MCM10: variants seen among roughly 807,000 people sequenced by gnomAD.
MCM10 encodes protein MCM10 homolog.
Under a neutral mutation model 109.9 loss-of-function variants are expected in MCM10, and 91 were observed. The observed-to-expected ratio is 0.83, with a 90% CI of 0.70 to 0.99. The LOEUF (loss-of-function observed/expected upper bound fraction) is 0.99, where lower values mean the gene tolerates loss of function less well. Ranked by LOEUF, MCM10 falls within the 50% of genes least tolerant of loss-of-function variation. The pLI, the probability that MCM10 is intolerant of heterozygous loss-of-function variation, is 0.00. For missense variants in MCM10, 1,077 were observed against 1,061.2 expected, an observed-to-expected ratio of 1.01 and a Z score of -0.21; for synonymous variants, 380 against 387.2, an observed-to-expected ratio of 0.98 and a Z score of 0.22.
chr10:13,207,206 C>T (rs1255026051), intron 18 of MCM10, among the ~76,000 whole-genome samples: 3 of 152,192 alleles, frequency 2.0e-5, no homozygotes, highest in African/African-American at 7.2e-5. Context: ...AACCACACGG[C>T]TCTGCTGGTG....
intron 2 of MCM10, among the ~76,000 whole-genome samples, chr10:13,170,575 C>G (rs749803443): frequency 6.6e-6 from 1 of 152,154 alleles, no homozygotes; most frequent in Non-Finnish European, 1.5e-5. Flanking sequence ...AGTATTGGCT[C>G]CTTCTTAGCC....
intron 9 of MCM10, among the ~76,000 whole-genome samples, chr10:13,188,173 A>G (rs1834299454): frequency 6.6e-6 from 1 of 152,044 alleles, no homozygotes; most frequent in Non-Finnish European, 1.5e-5. Flanking sequence ...CGCCGTAACT[A>G]CTGTTCACCC....
At chr10:13,165,238 A>G (rs148775767) in intron 2 of MCM10, among the ~76,000 whole-genome samples, 2 of 152,330 alleles carry the variant, frequency 1.3e-5, no homozygotes, top group African/African-American at 4.8e-5. Flanking sequence ...ATGACAATAT[A>G]CTGTAATAAA....
intron 10 of MCM10, among the ~76,000 whole-genome samples, chr10:13,189,958 C>T (rs1426145686): frequency 6.6e-6 from 1 of 151,888 alleles, no homozygotes; most frequent in Non-Finnish European, 1.5e-5. Context: ...TTAATGATAG[C>T]CTATAAGCTT....
At chr10:13,199,892 C>T (rs1245263511) in intron 16 of MCM10, among the ~76,000 whole-genome samples, 2 of 152,110 alleles carry the variant, frequency 1.3e-5, no homozygotes, top group Non-Finnish European at 2.9e-5. Flanking sequence ...CCGTATGTTC[C>T]CCAAGCTGGT....
chr10:13,198,570 G>T, intron 15 of MCM10, 119 bp from the exon 16 acceptor site: 1 of 696,156 alleles, frequency 1.4e-6, no homozygotes, highest in East Asian at 2.5e-5. Context: ...GCGGGGGTAG[G>T]TCAAGTTTGA....
chr10:13,161,883 CT>C lies in MCM10; in HGVS notation c.-76+280del, dbSNP rs1564377374. Among the ~76,000 whole-genome samples the C allele has an allele frequency of 6.9e-5, 8 of 116,282 alleles. No individual in the cohort carries two copies. The South Asian group carries it at 2.4e-3, about 36-fold the overall frequency. 76.3% of individuals were successfully genotyped at this position (116,282 alleles called of 152,430 possible). On this transcript the variant is annotated intron_variant, in intron 1 of 19. Transcript: ENST00000378714. Reference sequence around the variant, plus strand: ...GCTTGCCAAGTGCCTGCCGCCTGGGCTTTCTTTTATTCATTCATTCATTCAT... The same window carrying C: ...GCTTGCCAAGTGCCTGCCGCCTGGGCTTCTTTTATTCATTCATTCATTCAT...
intron 2 of MCM10, among the ~76,000 whole-genome samples, chr10:13,165,159 G>A (rs1029708691): frequency 2.6e-5 from 4 of 152,236 alleles, no homozygotes; most frequent in Admixed American, 6.5e-5. Context: ...ACATACATAC[G>A]TGTGATAAAG....
Position 13,204,350 on chromosome 10 carries a change from G to A in MCM10, c.2484G>A (p.Pro828=), listed in dbSNP as rs372798272. 132 of 1,614,128 alleles carry A rather than the reference G, an allele frequency of 8.2e-5. 1 individual carries two copies. Among genetic ancestry groups the A allele is most frequent in the African/African-American group, 5.3e-4 (40 of 75,042 alleles). The stretch of plus-strand genomic sequence containing the variant: ...GAAGCATCTCCTTGGACAGACTCCC[G>A]AACAAGCACTGCAGGTATGAGAATC... ...GNRSISLDRL[P]NKHCSNCGLY... The change falls in exon 18 of 20, where the codon CCG becomes CCA. Residue 828 remains proline (P), a synonymous_variant. Coordinates refer to ENST00000378714, the MANE Select transcript of MCM10 (RefSeq NM_018518.5).
chr10:13,195,406 C>T (rs1038718610), intron 14 of MCM10, 137 bp downstream of exon 14: 4 of 662,576 alleles, frequency 6.0e-6, no homozygotes, highest in African/African-American at 5.5e-5. Context: ...GTAGTGTCAA[C>T]ATAATACTAA....
intron 10 of MCM10, among the ~76,000 whole-genome samples, chr10:13,190,409 C>T (rs566747956): frequency 6.6e-6 from 1 of 152,300 alleles, no homozygotes; most frequent in Admixed American, 6.5e-5. Context: ...CTAGGCCAGG[C>T]ACAGTGGCTT....
At chr10:13,204,695 T>C (rs923826306) in intron 18 of MCM10, among the ~76,000 whole-genome samples, 13 of 152,234 alleles carry the variant, frequency 8.5e-5, no homozygotes, top group African/African-American at 9.6e-5. Flanking sequence ...TTTTTTCCTC[T>C]CTCCAAAGAG....
At chr10:13,191,563 TAAGC>T (rs35273956) in intron 11 of MCM10, among the ~76,000 whole-genome samples, 164 bp downstream of exon 11, 39,515 of 151,226 alleles carry the variant, frequency 0.26, 5,491 homozygotes, top group East Asian at 0.37. Flanking sequence ...AATAAATAAA[TAAGC>T]AAGCAAGCAA....
chr10:13,192,253 A>G lies in MCM10; in HGVS notation c.1517-2A>G. The G allele has an allele frequency of 1.2e-6, 2 of 1,607,200 alleles. No individual in the cohort carries two copies. The highest frequency in any genetic ancestry group is 1.7e-6 in the Non-Finnish European group (2 of 1,174,100). On this transcript the variant is annotated splice_acceptor_variant, in intron 11 of 19. Coordinates refer to ENST00000378714, the MANE Select transcript of MCM10 (RefSeq NM_018518.5). LOFTEE classifies it high-confidence loss of function. ...TCTAAAGCTGGTGTTGACCTGGCAC[A>G]GGAATACCCCAGAAGAGCCTGTCTT...
At chr10:13,193,750 C>A (rs538373763) in intron 13 of MCM10, among the ~76,000 whole-genome samples, 1 of 152,218 alleles carries the variant, frequency 6.6e-6, no homozygotes, top group East Asian at 1.9e-4. Context: ...TACGTGGACA[C>A]AGAAATATGT....
intron 16 of MCM10, among the ~76,000 whole-genome samples, chr10:13,199,023 G>A (rs112182987): frequency 6.6e-6 from 1 of 152,320 alleles, no homozygotes; most frequent in African/African-American, 2.4e-5. Context: ...AGCCTCCCAA[G>A]TAGCTGGGAT....
At chr10:13,187,810 G>T (rs1834294049) in intron 9 of MCM10, among the ~76,000 whole-genome samples, 1 of 152,082 alleles carries the variant, frequency 6.6e-6, no homozygotes, top group African/African-American at 2.4e-5. Context: ...GTTTCAGAGT[G>T]AAGTACCCAA....
chr10:13,162,639 T>C (rs1324828650), intron 1 of MCM10, among the ~76,000 whole-genome samples: 1 of 152,106 alleles, frequency 6.6e-6, no homozygotes, highest in Admixed American at 6.5e-5. Flanking sequence ...GTGCACAGTT[T>C]CATTTTGGGG....
intron 3 of MCM10, among the ~76,000 whole-genome samples, chr10:13,171,783 G>T (rs11592946): frequency 6.7e-6 from 1 of 148,156 alleles, no homozygotes; most frequent in African/African-American, 2.5e-5. Context: ...TTTTTTTTCC[G>T]AGACAGATTC....
Sources: allele counts gnomAD v4.1 joint callset (sites outside exome capture counted in the v4.1 genomes callset), GRCh38; gene constraint gnomAD v4.1.1; transcripts MANE v1.5; gene names NCBI Gene and HGNC (gene_info 2026-07-23, HGNC 2026-07-21).